MREG: variants seen among roughly 807,000 people sequenced by gnomAD.
MREG encodes dilute suppressor protein homolog.
A neutral mutation model predicts 28.5 loss-of-function variants in MREG; 31 were observed. The ratio of observed to expected loss-of-function variants is 1.09; its 90% CI spans 0.82 to 1.47. MREG has a LOEUF of 1.47. Among genes scored for constraint, MREG ranks in the 40% most tolerant of loss-of-function variants. The pLI is 0.00. For missense variants in MREG, 256 were observed against 257.4 expected (o/e 0.99, Z 0.04); for synonymous variants, 106 against 95.2 (o/e 1.11, Z -0.66).
chr2:216,011,482 T>C (rs1359974924), intron 1 of MREG, among the ~76,000 whole-genome samples: 1 of 152,240 alleles, frequency 6.6e-6, no homozygotes, highest in Non-Finnish European at 1.5e-5. Context: ...TCATCTCTCG[T>C]GGCAAACCTT....
chr2:215,985,856 A>T (rs565592625), intron 2 of MREG, among the ~76,000 whole-genome samples: 1 of 152,322 alleles, frequency 6.6e-6, no homozygotes, highest in East Asian at 1.9e-4. Flanking sequence ...CATACAAAAA[A>T]TATCTAGGGT....
rs1055572454 is a variant in MREG at position 215,944,099 on chromosome 2, C to T, written c.*764G>A. 8.7e-5 allele frequency: 13 copies of T among 150,148 alleles called. No homozygotes were observed. In the Admixed American group the frequency reaches 8.7e-4, roughly 10 times the overall value. The allele number at this position is 150,148 out of a possible 1,614,324, so 9.3% of individuals were successfully genotyped here. On this transcript the variant is annotated 3_prime_UTR_variant, in exon 5 of 5. Coordinates refer to ENST00000263268, the MANE Select transcript of MREG (RefSeq NM_018000.3). ...GGCTCAAGCGATTCTCCTACCTCAGCCTCCTGGGTAGCTGGGATTACAAGC... is the reference window on the plus strand; with the variant it reads ...GGCTCAAGCGATTCTCCTACCTCAGTCTCCTGGGTAGCTGGGATTACAAGC...
rs765920066 is a variant in MREG, at chr2:216,013,394, T to C, written c.-67A>G. The stretch of plus-strand genomic sequence containing the variant: ...AGTCGCCGCGGCGAGCGATCGAGGC[T>C]GGGGCGCGGCCACCGCGCCAGCGTC... On this transcript the variant is annotated 5_prime_UTR_variant, in exon 1 of 5. Transcript: ENST00000263268. 949 of 1,176,644 alleles carry C rather than the reference T, an allele frequency of 8.1e-4. 2 individuals are homozygous for C. Among genetic ancestry groups the C allele is most frequent in the Non-Finnish European group, 9.4e-4 (855 of 908,430 alleles). The allele number at this position is 1,176,644 out of a possible 1,614,324, so 72.9% of individuals were successfully genotyped here.
chr2:215,949,787 C>T (rs1692438692), intron 2 of MREG, among the ~76,000 whole-genome samples: 1 of 152,224 alleles, frequency 6.6e-6, no homozygotes, highest in Middle Eastern at 3.4e-3. Context: ...AATTTCAAGT[C>T]CTTTCATGAA....
chr2:215,991,255 C>T (rs1169143944), intron 2 of MREG, among the ~76,000 whole-genome samples: 12 of 152,178 alleles, frequency 7.9e-5, no homozygotes, highest in Non-Finnish European at 4.4e-5. Flanking sequence ...AACCACAAAA[C>T]TACATGGAAA....
At chr2:215,961,137 G>GGCCA (rs1333978767) in intron 2 of MREG, among the ~76,000 whole-genome samples, 1 of 152,232 alleles carries the variant, frequency 6.6e-6, no homozygotes, top group Non-Finnish European at 1.5e-5. Context: ...AGGGGGTGGA[G>GGCCA]GCCAGGAGAG....
intron 2 of MREG, among the ~76,000 whole-genome samples, chr2:215,980,541 G>A (rs1342274597): frequency 6.6e-6 from 1 of 152,170 alleles, no homozygotes; most frequent in African/African-American, 2.4e-5. Context: ...GTTGTGACTG[G>A]CCCACAGTTT....
rs566865244 is a variant in MREG, at chr2:215,944,324, T to A, written c.*539A>T. 6.6e-6 allele frequency: 1 copy of A among 152,348 alleles called. No individual in the cohort carries two copies. Among genetic ancestry groups the A allele is most frequent in the East Asian group, 1.9e-4 (1 of 5,182 alleles). 9.4% of individuals were successfully genotyped at this position (152,348 alleles called of 1,614,324 possible). On this transcript the variant is annotated 3_prime_UTR_variant, in exon 5 of 5. Transcript: ENST00000263268. Reference sequence around the variant, plus strand: ...TTGATACATCTATACTTCTGAATAATCATAACTGATACTCAAAGAGATGCC... The same window carrying A: ...TTGATACATCTATACTTCTGAATAAACATAACTGATACTCAAAGAGATGCC...
At chr2:216,029,763 G>C (rs1222867037) in intron 1 of MREG, among the ~76,000 whole-genome samples, 1 of 152,242 alleles carries the variant, frequency 6.6e-6, no homozygotes, top group Non-Finnish European at 1.5e-5. Flanking sequence ...TTCAGGCAAA[G>C]TTGCACAGCA....
At chr2:215,950,649 T>C (rs1001770070) in intron 2 of MREG, among the ~76,000 whole-genome samples, 1 of 152,216 alleles carries the variant, frequency 6.6e-6, no homozygotes, top group Non-Finnish European at 1.5e-5. Flanking sequence ...TACATGAAAG[T>C]ATCTGGAAAT....
intron 2 of MREG, among the ~76,000 whole-genome samples, chr2:215,948,280 G>T (rs1692373389): frequency 6.6e-6 from 1 of 152,318 alleles, no homozygotes; most frequent in Non-Finnish European, 1.5e-5. Flanking sequence ...ACTGTGTTTT[G>T]TTACGACGGC....
chr2:215,985,710 A>G (rs531422886), intron 2 of MREG, among the ~76,000 whole-genome samples: 1 of 152,216 alleles, frequency 6.6e-6, no homozygotes, highest in Admixed American at 6.5e-5. Context: ...TTGTACATAC[A>G]CTGTCTTGAA....
chr2:215,961,464 C>T (rs999457384), intron 2 of MREG, among the ~76,000 whole-genome samples: 17 of 152,206 alleles, frequency 1.1e-4, no homozygotes, highest in East Asian at 3.9e-4. Flanking sequence ...CTTGCTCTGT[C>T]GCCCAGGCTG....
At chr2:216,007,310 C>A (rs1411969037) in intron 1 of MREG, among the ~76,000 whole-genome samples, 1 of 152,190 alleles carries the variant, frequency 6.6e-6, no homozygotes, top group Non-Finnish European at 1.5e-5. Context: ...CTGAGACGCA[C>A]AGCCCCAGCC....
chr2:216,023,321 CT>C (rs1182048219), intron 1 of MREG, among the ~76,000 whole-genome samples: 1 of 152,234 alleles, frequency 6.6e-6, no homozygotes, highest in East Asian at 1.9e-4. Context: ...CTTTCTTTTA[CT>C]CAACAGATGG....
At position 215,990,297 on chromosome 2, in the gene MREG, A is replaced by G. The variant is rs149437252; in HGVS notation, c.255+6009T>C. Among the ~76,000 whole-genome samples the G allele has an allele frequency of 5.3e-3, 807 of 152,324 alleles. 6 individuals carry two copies. Among genetic ancestry groups the G allele is most frequent in the African/African-American group, 0.018 (745 of 41,560 alleles). ...CAGAATTTCATATCCAGCCAAAATA[A>G]GCTTCATAAGTGAAAGAGAAATACA... is the stretch of plus-strand genomic sequence containing the variant. On this transcript the variant is annotated intron_variant, in intron 2 of 4. Transcript: ENST00000263268.
intron 2 of MREG, among the ~76,000 whole-genome samples, chr2:215,988,653 T>C (rs181476356): frequency 6.3e-4 from 96 of 152,340 alleles, no homozygotes; most frequent in African/African-American, 2.2e-3. Flanking sequence ...CTTGAAATTC[T>C]CGCTGCCAGC....
intron 2 of MREG, among the ~76,000 whole-genome samples, chr2:215,970,787 T>C (rs1574612323): frequency 6.6e-6 from 1 of 152,222 alleles, no homozygotes; most frequent in South Asian, 2.1e-4. Context: ...GCTGTACGAA[T>C]GTTAATTATT....
chr2:215,977,531 T>A (rs1307574096), intron 2 of MREG, among the ~76,000 whole-genome samples: 1 of 152,216 alleles, frequency 6.6e-6, no homozygotes, highest in Non-Finnish European at 1.5e-5. Flanking sequence ...CAAGCTGACC[T>A]AATAGACATC....
Sources: gnomAD v4.1 joint callset for allele counts (sites outside exome capture counted in the v4.1 genomes callset) on GRCh38, gnomAD v4.1.1 for gene constraint, MANE v1.5 for transcripts, NCBI Gene and HGNC (gene_info 2026-07-23, HGNC 2026-07-21) for gene names.